Variants in TSPO observed in about 807,000 individuals in gnomAD.
The protein encoded by TSPO is translocator protein, also known as benzodiazepine peripheral binding site.
TSPO carries 14 observed loss-of-function variants against 13.9 expected under a neutral mutation model. The observed-to-expected ratio is 1.01, with a 90% confidence interval of 0.67 to 1.58. The LOEUF (loss-of-function observed/expected upper bound fraction) is 1.58. TSPO is among the 40% of genes most tolerant of loss of function. TSPO has a pLI of 0.00. For missense variants in TSPO, 232 were observed against 229.6 expected, an observed-to-expected ratio of 1.01 and a Z score of -0.07; for synonymous variants, 114 against 105.9, an observed-to-expected ratio of 1.08 and a Z score of -0.47.
intron 3 of TSPO, 66 bp downstream of exon 3, chr22:43,161,256 C>T: frequency 1.3e-6 from 2 of 1,560,448 alleles, no homozygotes; most frequent in Non-Finnish European, 1.7e-6. Context: ...TGGGGCATCA[C>T]ATATGACACT....
chr22:43,163,190 T>C lies in TSPO; in HGVS notation c.*199T>C. 2 of 1,408,076 alleles carry C rather than the reference T, an allele frequency of 1.4e-6. No homozygotes were observed. Among genetic ancestry groups the C allele is most frequent in the Non-Finnish European group, 1.9e-6 (2 of 1,076,274 alleles). The allele number at this position is 1,408,076 out of a possible 1,614,324, so 87.2% of individuals were successfully genotyped here. ...CTGTGCTTTCTGCATGCTTAGAGCA[T>C]GTTCTTGGAACATGGAATTTTATAA... On this transcript the variant is annotated 3_prime_UTR_variant, in exon 4 of 4. Coordinates refer to ENST00000337554, the MANE Select transcript of TSPO (RefSeq NM_000714.6).
intron 1 of TSPO, 56 bp from the exon 2 acceptor site, chr22:43,159,154 G>T: frequency 7.5e-7 from 1 of 1,326,180 alleles, no homozygotes. Context: ...GAGGAGACAC[G>T]GGCCTGACCC....
Position 43,152,976 on chromosome 22 carries a change from A to G in TSPO, c.-30+1372A>G, listed in dbSNP as rs149750844. 7.0e-3 allele frequency among the ~76,000 whole-genome samples: 653 copies of G among 92,912 alleles called. 7 individuals are homozygous for G. The highest frequency in any genetic ancestry group is 0.036 in the African/African-American group (621 of 17,426). 61.0% of individuals were successfully genotyped at this position (92,912 alleles called of 152,430 possible). A position where few individuals can be genotyped will look rare whatever the true frequency, so the allele number is the denominator to read the frequency against. On this transcript the variant is annotated intron_variant, in intron 1 of 3. Transcript: ENST00000337554. ...GCTTGGGCTCGCAGGGAGGGAGCCT[A>G]CTTTTCACTTTAGCTTGCTTTCTTC...
intron 1 of TSPO, among the ~76,000 whole-genome samples, chr22:43,155,763 T>G (rs531303016): frequency 6.6e-6 from 1 of 152,300 alleles, no homozygotes; most frequent in Admixed American, 6.5e-5. Context: ...GGATCCCGAT[T>G]CGCTTTCTGA....
At position 43,159,370 on chromosome 22, in the gene TSPO, G is replaced by C; in HGVS notation, c.132G>C (p.Pro44=). The C allele has an allele frequency of 1.9e-6, 3 of 1,544,026 alleles. No individual in the cohort carries two copies. The highest frequency in any genetic ancestry group is 2.6e-6 in the Non-Finnish European group (3 of 1,145,480). Reference sequence around the variant, plus strand: ...GCCTGCAGAAGCCCTCGTGGCACCCGCCCCACTGGGTGCTGGGCCCTGTCT... The same window carrying C: ...GCCTGCAGAAGCCCTCGTGGCACCCCCCCCACTGGGTGCTGGGCCCTGTCT... ...YAGLQKPSWH[P]PHWVLGPVWG... The change falls in exon 2 of 4, where the codon CCG becomes CCC. Residue 44 remains proline (P), a synonymous_variant. Transcript: ENST00000337554.
chr22:43,159,291 G>C lies in TSPO; in HGVS notation c.53G>C (p.Gly18Ala). The C allele has an allele frequency of 1.9e-6, 3 of 1,553,584 alleles. No individual in the cohort carries two copies. The highest frequency in any genetic ancestry group is 2.6e-6 in the Non-Finnish European group (3 of 1,149,074). ...GGCTTCACGCTGGCGCCCAGCCTGG[G>C]GTGCTTCGTGGGCTCCCGCTTTGTC... ...AMGFTLAPSL[G>A]CFVGSRFVHG... Residue 18 changes from glycine (G) to alanine (A), a missense_variant, in exon 2 of 4, where the codon GGG becomes GCG. Coordinates refer to ENST00000337554, the MANE Select transcript of TSPO (RefSeq NM_000714.6).
At chr22:43,162,776 C>A in intron 3 of TSPO, 27 bp from the exon 4 acceptor site, 1 of 1,523,120 alleles carries the variant, frequency 6.6e-7, no homozygotes, top group East Asian at 2.4e-5. Flanking sequence ...TCAGGCCTCC[C>A]CATCCTCCGT....
chr22:43,162,514 G>A (rs1359504221), intron 3 of TSPO, among the ~76,000 whole-genome samples: 1 of 152,166 alleles, frequency 6.6e-6, no homozygotes, highest in African/African-American at 2.4e-5. Flanking sequence ...GAAGGGACGT[G>A]CAAGACCTCC....
In TSPO at chr22:43,159,399, G is replaced by T; in HGVS notation, c.161G>T (p.Gly54Val). Residue 54 changes from glycine to valine, a missense_variant, in exon 2 of 4, where the codon GGC (glycine) becomes GTC (valine). Physicochemically the swap from Gly to Val is moderately radical, Grantham distance 109. Coordinates refer to ENST00000337554, the MANE Select transcript of TSPO (RefSeq NM_000714.6). Reference sequence around the variant, plus strand: ...CACTGGGTGCTGGGCCCTGTCTGGGGCACGCTCTACTCAGCCATGGGGTAG... The same window carrying T: ...CACTGGGTGCTGGGCCCTGTCTGGGTCACGCTCTACTCAGCCATGGGGTAG... ...PPHWVLGPVW[G>V]TLYSAMGYGS... 6.5e-7 allele frequency: 1 copy of T among 1,533,512 alleles called. No homozygotes were observed. The highest frequency in any genetic ancestry group is 2.5e-5 in the East Asian group (1 of 40,442). 95.0% of individuals were successfully genotyped at this position (1,533,512 alleles called of 1,614,324 possible). A position where few individuals can be genotyped will look rare whatever the true frequency, so the allele number is the denominator to read the frequency against.
Position 43,162,921 on chromosome 22 carries a change from C to T in TSPO, c.440C>T (p.Thr147Met), listed in dbSNP as rs141002863. Reference protein sequence around the residue: ...LYPYLAWLAFTTTLNYCVWRD... With the variant: ...LYPYLAWLAFMTTLNYCVWRD... ...CCCTACCTGGCCTGGCTGGCCTTCA[C>T]GACCACACTCAACTACTGCGTATGG... The change falls in exon 4 of 4, where the codon ACG becomes ATG. Residue 147 changes from threonine (T) to methionine (M), a missense_variant. By Grantham distance (81) the Thr-to-Met change is moderately conservative. Coordinates refer to ENST00000337554, the MANE Select transcript of TSPO (RefSeq NM_000714.6). The T allele has an allele frequency of 1.8e-5, 29 of 1,595,122 alleles. No homozygotes were observed. The highest frequency in any genetic ancestry group is 1.7e-4 in the African/African-American group (13 of 74,596).
Position 43,152,805 on chromosome 22 carries a change from C to T in TSPO, c.-30+1201C>T, listed in dbSNP as rs376386421. Reference sequence around the variant, plus strand: ...CCAGCCTGCCTTCTCCACTGTGCCCCGAGGACCACTTTCTTTCCTGGGAGT... The same window carrying T: ...CCAGCCTGCCTTCTCCACTGTGCCCTGAGGACCACTTTCTTTCCTGGGAGT... On this transcript the variant is annotated intron_variant, in intron 1 of 3. Coordinates refer to ENST00000337554, the MANE Select transcript of TSPO (RefSeq NM_000714.6). Among the ~76,000 whole-genome samples, 215 of 152,340 alleles carry T rather than the reference C, an allele frequency of 1.4e-3. 1 individual carries two copies. In the Middle Eastern group the frequency reaches 0.02, roughly 14 times the overall value.
intron 1 of TSPO, among the ~76,000 whole-genome samples, chr22:43,156,329 C>T (rs927300087): frequency 2.0e-5 from 3 of 152,114 alleles, no homozygotes; most frequent in Non-Finnish European, 2.9e-5. Context: ...TCCTGGGGAC[C>T]GAGTGTGTGC....
chr22:43,159,429 G>A lies in TSPO; in HGVS notation c.182+9G>A. 1.3e-6 allele frequency: 2 copies of A among 1,499,304 alleles called. No homozygotes were observed. The highest frequency in any genetic ancestry group is 1.8e-6 in the Non-Finnish European group (2 of 1,123,290). 92.9% of individuals were successfully genotyped at this position (1,499,304 alleles called of 1,614,324 possible). ...CTCTACTCAGCCATGGGGTAGGTGG[G>A]CGTGCACTGGCCTGGGGATAAGCCT... is the stretch of plus-strand genomic sequence containing the variant. On this transcript the variant is annotated intron_variant, in intron 2 of 3. Transcript: ENST00000337554.
intron 1 of TSPO, among the ~76,000 whole-genome samples, chr22:43,153,566 T>C (rs1931158746): frequency 1.3e-5 from 1 of 76,038 alleles, no homozygotes; most frequent in South Asian, 7.9e-4. Context: ...TTAGCCAGGA[T>C]GGTCTCGATC....
chr22:43,161,550 A>C (rs1298103920), intron 3 of TSPO, among the ~76,000 whole-genome samples: 1 of 144,318 alleles, frequency 6.9e-6, no homozygotes, highest in Middle Eastern at 3.3e-3. Flanking sequence ...TGCAGTGGTG[A>C]GATCTCGGCC....
chr22:43,161,201 C>T lies in TSPO; in HGVS notation c.321+11C>T, dbSNP rs1212299494. The T allele has an allele frequency of 1.2e-6, 2 of 1,608,968 alleles. No homozygotes were observed. The highest frequency in any genetic ancestry group is 1.7e-6 in the Non-Finnish European group (2 of 1,176,966). Reference sequence around the variant, plus strand: ...CGACAAATGGGCTGGGTAAGTGTGGCCACAGCATGTGTCCCTGATCCCTGG... The same window carrying T: ...CGACAAATGGGCTGGGTAAGTGTGGTCACAGCATGTGTCCCTGATCCCTGG... On this transcript the variant is annotated intron_variant, in intron 3 of 3. Transcript: ENST00000337554.
intron 1 of TSPO, chr22:43,152,137 A>G (rs566091388): frequency 6.6e-6 from 1 of 152,550 alleles, no homozygotes; most frequent in East Asian, 1.9e-4. Context: ...GGTGCGTTGC[A>G]GCCTAGACGG....
chr22:43,154,084 C>A (rs1292144657), intron 1 of TSPO, among the ~76,000 whole-genome samples: 1 of 152,192 alleles, frequency 6.6e-6, no homozygotes, highest in Non-Finnish European at 1.5e-5. Flanking sequence ...CCAGGCCACT[C>A]GATGGCCAGG....
intron 1 of TSPO, among the ~76,000 whole-genome samples, chr22:43,156,138 C>T (rs937441324): frequency 3.3e-5 from 5 of 152,254 alleles, no homozygotes; most frequent in Admixed American, 3.3e-4. Context: ...GAGAAGGGGG[C>T]AGCCTGGGGT....
Sources: gnomAD v4.1 joint callset for allele counts (sites outside exome capture counted in the v4.1 genomes callset) on GRCh38, gnomAD v4.1.1 for gene constraint, MANE v1.5 for transcripts, NCBI Gene and HGNC (gene_info 2026-07-23, HGNC 2026-07-21) for gene names.